POMT2: variants seen among roughly 807,000 people sequenced by gnomAD.
POMT2 encodes protein O-mannosyl-transferase 2.
POMT2 carries 75 observed loss-of-function variants against 100.0 expected under a neutral mutation model. The observed-to-expected ratio is 0.75, with a 90% CI of 0.62 to 0.91. The LOEUF is 0.91. Among genes scored for constraint, POMT2 ranks in the 40% least tolerant of loss-of-function variants. The probability of loss-of-function intolerance (pLI) is 0.00; values close to 1 mark genes in which losing one functional copy is unlikely to be tolerated. For synonymous variants in POMT2, 378 were observed against 374.1 expected (o/e 1.01, Z -0.12); for missense variants, 940 against 955.1 (o/e 0.98, Z 0.21).
intron 11 of POMT2, chr14:77,287,502 TTC>T (rs1282814427): frequency 7.1e-6 from 1 of 139,894 alleles, no homozygotes; most frequent in Non-Finnish European, 1.5e-5. Flanking sequence ...AGCTAATTGC[TTC>T]TCTCTCTGTC....
intron 1 of POMT2, among the ~76,000 whole-genome samples, chr14:77,316,744 T>C (rs1195963405): frequency 6.6e-6 from 1 of 152,120 alleles, no homozygotes; most frequent in Non-Finnish European, 1.5e-5. Context: ...TGCTTAGGCC[T>C]GGCTCACCAA....
rs1284153624 is a variant in POMT2 at position 77,289,412 on chromosome 14, A to C, written c.1184-581T>G. Among the ~76,000 whole-genome samples, 4 of 104,242 alleles carry C rather than the reference A, an allele frequency of 3.8e-5. No homozygotes were observed. In the East Asian group the frequency reaches 9.2e-4, roughly 24 times the overall value. 68.4% of individuals were successfully genotyped at this position (104,242 alleles called of 152,430 possible). On this transcript the variant is annotated intron_variant, in intron 10 of 20. Coordinates refer to ENST00000261534, the MANE Select transcript of POMT2 (RefSeq NM_013382.7). ...TCTCCAAAAAAAAAGAAGAAGAAAA[A>C]CTCCTTCGATGAATAGCAAATGGGT... is the stretch of plus-strand genomic sequence containing the variant.
intron 7 of POMT2, 34 bp downstream of exon 7, chr14:77,299,421 C>A: frequency 1.9e-6 from 3 of 1,593,118 alleles, no homozygotes; most frequent in African/African-American, 2.7e-5. Flanking sequence ...AAAGGAAAAC[C>A]AGAAGCAAGA....
intron 14 of POMT2, 57 bp downstream of exon 14, chr14:77,284,893 A>T (rs2140182558): frequency 1.4e-6 from 2 of 1,440,554 alleles, no homozygotes; most frequent in South Asian, 2.3e-5. Flanking sequence ...TTTCTAAGAT[A>T]AGGGTTTCTT....
intron 5 of POMT2, among the ~76,000 whole-genome samples, chr14:77,301,691 A>G (rs1891050230): frequency 6.6e-6 from 1 of 152,170 alleles, no homozygotes. Context: ...AGTACGATGC[A>G]TATATTAACT....
In POMT2 at chr14:77,311,946, C is replaced by T. The variant is rs1406507677; in HGVS notation, c.333+3G>A. ...GAGAGCTGCTATTCACCACACTGCT[C>T]ACCTTTCCCAGGGGCGGGTGCACAT... On this transcript the variant is annotated splice_donor_region_variant and intron_variant, in intron 2 of 20. Transcript: ENST00000261534. 6.2e-7 allele frequency: 1 copy of T among 1,614,080 alleles called. No homozygotes were observed. Among genetic ancestry groups the T allele is most frequent in the South Asian group, 1.1e-5 (1 of 91,054 alleles).
At chr14:77,297,557 C>G (rs1020277982) in intron 8 of POMT2, among the ~76,000 whole-genome samples, 2 of 152,210 alleles carry the variant, frequency 1.3e-5, no homozygotes, top group Non-Finnish European at 2.9e-5. Context: ...AACCCAACTT[C>G]TTCTCCTGCT....
At chr14:77,294,456 G>A (rs1336000288) in intron 9 of POMT2, among the ~76,000 whole-genome samples, 1 of 152,182 alleles carries the variant, frequency 6.6e-6, no homozygotes, top group Non-Finnish European at 1.5e-5. Flanking sequence ...TGAGTGGCTG[G>A]GATTACTGGC....
chr14:77,292,790 C>G (rs1230843499), intron 9 of POMT2, among the ~76,000 whole-genome samples: 1 of 152,132 alleles, frequency 6.6e-6, no homozygotes, highest in Admixed American at 6.5e-5. Flanking sequence ...CACTGTGTTC[C>G]AACTGCCTGC....
At chr14:77,307,538 T>C (rs1001200693) in intron 2 of POMT2, among the ~76,000 whole-genome samples, 3 of 152,244 alleles carry the variant, frequency 2.0e-5, no homozygotes, top group Non-Finnish European at 4.4e-5. Context: ...GGCAATCAAA[T>C]GGATCCCTCT....
intron 15 of POMT2, 52 bp downstream of exon 15, chr14:77,283,745 T>C (rs995795945): frequency 2.8e-5 from 41 of 1,470,430 alleles, no homozygotes; most frequent in Non-Finnish European, 3.6e-5. Flanking sequence ...TCCAAATTCA[T>C]GGCTGCCCAA....
At chr14:77,311,809 G>C (rs1432911771) in intron 2 of POMT2, 140 bp downstream of exon 2, 1 of 1,362,738 alleles carries the variant, frequency 7.3e-7, no homozygotes, top group Non-Finnish European at 9.8e-7. Context: ...CATGAAAGTA[G>C]CTGGTCTGAA....
chr14:77,296,874 T>C (rs568174321), intron 8 of POMT2, among the ~76,000 whole-genome samples: 17 of 152,322 alleles, frequency 1.1e-4, no homozygotes, highest in African/African-American at 3.8e-4. Flanking sequence ...CCTGCTCCTG[T>C]TTTTCTTTGT....
Position 77,285,008 on chromosome 14 carries a change from TG to T in POMT2, c.1517del (p.Pro506HisfsTer3). 1 of 1,613,526 alleles carries T rather than the reference TG, an allele frequency of 6.2e-7. No individual in the cohort carries two copies. The highest frequency in any genetic ancestry group is 8.5e-7 in the Non-Finnish European group (1 of 1,179,446). ...TGGAGTTGAGGGTTTCTTTCAGGTA[TG>T]GGGTGCAAGTAACTTCCAACTGCTC... ...GWEQLEVTCT[P>X]YLKETLNSIW... On this transcript the variant is annotated frameshift_variant, in exon 14 of 21. Coordinates refer to ENST00000261534, the MANE Select transcript of POMT2 (RefSeq NM_013382.7). LOFTEE classifies it high-confidence loss of function.
At chr14:77,294,306 C>T (rs542280221) in intron 9 of POMT2, among the ~76,000 whole-genome samples, 1 of 152,176 alleles carries the variant, frequency 6.6e-6, no homozygotes, top group South Asian at 2.1e-4. Flanking sequence ...GAATGGGTCT[C>T]ACAAGATCTG....
intron 8 of POMT2, among the ~76,000 whole-genome samples, chr14:77,297,776 C>G (rs1890882289): frequency 6.6e-6 from 1 of 152,128 alleles, no homozygotes; most frequent in Admixed American, 6.5e-5. Flanking sequence ...TGTGGCTGCC[C>G]CACCATACCC....
rs1296879569 is a variant in POMT2 at position 77,320,740 on chromosome 14, C to A, written c.-59G>T. On this transcript the variant is annotated 5_prime_UTR_variant, in exon 1 of 21. Coordinates refer to ENST00000261534, the MANE Select transcript of POMT2 (RefSeq NM_013382.7). Reference sequence around the variant, plus strand: ...AGGCACACTTTGTCTGACCAGCCGCCCCGCCAAGGAGTCACAAGAGGGCAG... The same window carrying A: ...AGGCACACTTTGTCTGACCAGCCGCACCGCCAAGGAGTCACAAGAGGGCAG... 2.5e-6 allele frequency: 4 copies of A among 1,571,960 alleles called. No homozygotes were observed. Among genetic ancestry groups the A allele is most frequent in the Non-Finnish European group, 3.4e-6 (4 of 1,168,868 alleles).
intron 10 of POMT2, 96 bp downstream of exon 10, chr14:77,291,218 C>A: frequency 2.5e-6 from 3 of 1,193,592 alleles, no homozygotes; most frequent in Non-Finnish European, 2.4e-6. Flanking sequence ...CTCAGCAAAG[C>A]CCATCTCAGG....
intron 5 of POMT2, 23 bp downstream of exon 5, chr14:77,302,812 C>G (rs1566657082): frequency 6.3e-7 from 1 of 1,591,568 alleles, no homozygotes; most frequent in Non-Finnish European, 8.6e-7. Flanking sequence ...CAACCCTCCC[C>G]TCCCGGGGAT....
Sources: allele counts gnomAD v4.1 joint callset (sites outside exome capture counted in the v4.1 genomes callset), GRCh38; gene constraint gnomAD v4.1.1; transcripts MANE v1.5; gene names NCBI Gene and HGNC (gene_info 2026-07-23, HGNC 2026-07-21).